The following SHROOM3 variants were observed in gnomAD, a reference collection of about 807,000 sequenced individuals.
SHROOM3 encodes shroom family member 3.
In SHROOM3, 47 loss-of-function variants were observed where a neutral mutation model predicts 138.6. The ratio of observed to expected loss-of-function variants is 0.34; its 90% CI spans 0.27 to 0.43. The LOEUF is 0.43. Among genes scored for constraint, SHROOM3 ranks in the 20% least tolerant of loss-of-function variants. The pLI is 1.00. For synonymous variants in SHROOM3, 1,062 were observed against 1,063.3 expected, an observed-to-expected ratio of 1.00 and a Z score of 0.02; for missense variants, 2,491 against 2,596.5, an observed-to-expected ratio of 0.96 and a Z score of 0.88.
chr4:76,736,342 T>TATC (rs1330715346), intron 4 of SHROOM3, among the ~76,000 whole-genome samples: 1 of 152,196 alleles, frequency 6.6e-6, no homozygotes, highest in Non-Finnish European at 1.5e-5. Flanking sequence ...AATTTATACC[T>TATC]ATCTGTCCCG....
intron 1 of SHROOM3, among the ~76,000 whole-genome samples, chr4:76,495,944 A>G (rs1215015669): frequency 2.0e-5 from 3 of 152,216 alleles, no homozygotes; most frequent in African/African-American, 7.2e-5. Context: ...CAGGCACGAC[A>G]AGAAAGGACT....
At chr4:76,656,777 C>T (rs950340761) in intron 2 of SHROOM3, among the ~76,000 whole-genome samples, 1 of 152,234 alleles carries the variant, frequency 6.6e-6, no homozygotes, top group African/African-American at 2.4e-5. Flanking sequence ...GGAAACATTA[C>T]TTACTCTTGC....
In SHROOM3 at chr4:76,555,730, G is replaced by A. The variant is rs1733470771; in HGVS notation, c.290G>A (p.Gly97Glu). ...SRKEAVSLVK[G>E]SYKTLRLVVR... ...AAGGAGGCAGTTTCCCTGGTGAAAG[G>A]ATCCTACAAGACCCTCAGGCTGGTA... Residue 97 changes from glycine to glutamate, a missense_variant, in exon 2 of 11, where the codon GGA (glycine) becomes GAA (glutamate). This residue lies in a region of SHROOM3 where 284 missense variants were observed against 322.8 expected (regional missense o/e 0.88). Transcript: ENST00000296043. 6.2e-7 allele frequency: 1 copy of A among 1,613,746 alleles called. No homozygotes were observed. Among genetic ancestry groups the A allele is most frequent in the Non-Finnish European group, 8.5e-7 (1 of 1,179,996 alleles).
rs369339614 is a variant in SHROOM3 at position 76,741,728 on chromosome 4, C to T, written c.3555C>T (p.Arg1185=). The change falls in exon 5 of 11, where the codon CGC becomes CGT. Residue 1185 remains arginine (R), a synonymous_variant. Coordinates refer to ENST00000296043, the MANE Select transcript of SHROOM3 (RefSeq NM_020859.4). This position sits in a 1 kb window ranked among gnomAD's most constrained non-coding sequence, Gnocchi z 6.2. The part of the protein sequence containing the change: ...AGGRRLGERR[R]GDLLSGANGG... ...GCCGCCGCCTCGGGGAACGGCGACGCGGGGACCTGCTTAGCGGAGCAAACG... is the reference window on the plus strand; with the variant it reads ...GCCGCCGCCTCGGGGAACGGCGACGTGGGGACCTGCTTAGCGGAGCAAACG... 387 of 1,557,428 alleles carry T rather than the reference C, an allele frequency of 2.5e-4. 1 individual carries two copies. In the South Asian group the frequency reaches 4.0e-3, roughly 16 times the overall value.
intron 3 of SHROOM3, among the ~76,000 whole-genome samples, chr4:76,722,056 C>T (rs188309937): frequency 6.6e-6 from 1 of 152,124 alleles, no homozygotes; most frequent in East Asian, 1.9e-4. Flanking sequence ...ATTGTTTGAG[C>T]CCAGGAGTTC....
chr4:76,454,337 C>T (rs1560511055), intron 1 of SHROOM3, among the ~76,000 whole-genome samples: 1 of 152,172 alleles, frequency 6.6e-6, no homozygotes, highest in East Asian at 1.9e-4. Context: ...AGCCACTGCA[C>T]CCAGCCTAAT....
rs1285702307 is a variant in SHROOM3, at chr4:76,754,758, G to C, written c.4275G>C (p.Trp1425Cys). 8 of 1,614,166 alleles carry C rather than the reference G, an allele frequency of 5.0e-6. No homozygotes were observed. The highest frequency in any genetic ancestry group is 6.8e-6 in the Non-Finnish European group (8 of 1,180,006). Residue 1425 changes from tryptophan to cysteine, a missense_variant, in exon 7 of 11, where the codon TGG (tryptophan) becomes TGC (cysteine). Transcript: ENST00000296043. ...GTRKRVSLPQ[W>C]PPPSRAKWAH... ...GGAAGAGGGTCTCGCTGCCTCAGTGGCCACCTCCTTCTCGAGCAAAGTGGG... is the reference window on the plus strand; with the variant it reads ...GGAAGAGGGTCTCGCTGCCTCAGTGCCCACCTCCTTCTCGAGCAAAGTGGG...
intron 1 of SHROOM3, among the ~76,000 whole-genome samples, chr4:76,494,436 T>G (rs528482153): frequency 8.5e-5 from 13 of 152,330 alleles, no homozygotes; most frequent in African/African-American, 2.4e-4. Flanking sequence ...ACAAGATCAC[T>G]TAACACCTCT....
At chr4:76,708,384 C>CAAA (rs3045221) in intron 2 of SHROOM3, among the ~76,000 whole-genome samples, 1 of 128,884 alleles carries the variant, frequency 7.8e-6, no homozygotes, top group African/African-American at 2.7e-5. Flanking sequence ...AGACATTGTG[C>CAAA]AAAAAAAAAA....
intron 1 of SHROOM3, among the ~76,000 whole-genome samples, chr4:76,539,254 C>T (rs1266933335): frequency 6.6e-6 from 1 of 152,094 alleles, no homozygotes; most frequent in Non-Finnish European, 1.5e-5. Flanking sequence ...CCCTTGTTTT[C>T]CTTCCTTCAC....
chr4:76,709,724 C>T lies in SHROOM3; in HGVS notation c.324-432C>T. ...CCTGTTACACTTGGAGATCCCGCTC[C>T]TTAAAGAGAACTTGAGAAGTGAGGT... is the stretch of plus-strand genomic sequence containing the variant. On this transcript the variant is annotated intron_variant, in intron 2 of 10. Coordinates refer to ENST00000296043, the MANE Select transcript of SHROOM3 (RefSeq NM_020859.4). 3 of 268,156 alleles carry T rather than the reference C, an allele frequency of 1.1e-5. No individual in the cohort carries two copies. The South Asian group carries it at 1.2e-4, about 11-fold the overall frequency. 16.6% of individuals were successfully genotyped at this position (268,156 alleles called of 1,614,324 possible).
intron 2 of SHROOM3, among the ~76,000 whole-genome samples, chr4:76,632,033 A>G (rs2110073699): frequency 6.6e-6 from 1 of 152,242 alleles, no homozygotes; most frequent in South Asian, 2.1e-4. Flanking sequence ...AATAATTGGG[A>G]TGGTAATGGG....
chr4:76,608,808 G>A (rs1414353314), intron 2 of SHROOM3, among the ~76,000 whole-genome samples: 1 of 152,152 alleles, frequency 6.6e-6, no homozygotes, highest in Non-Finnish European at 1.5e-5. Flanking sequence ...GAATAACCTT[G>A]AGCAAGTTAC....
intron 2 of SHROOM3, among the ~76,000 whole-genome samples, chr4:76,690,319 T>A (rs1273041813): frequency 6.6e-6 from 1 of 152,172 alleles, no homozygotes; most frequent in African/African-American, 2.4e-5. Context: ...GAGCACTCTC[T>A]GGGGGTGGGA....
rs1393537286 is a variant in SHROOM3 at position 76,773,373 on chromosome 4, G to GGAA, written c.5622+2475_5622+2476insGAA. 6.2e-5 allele frequency among the ~76,000 whole-genome samples: 5 copies of GGAA among 80,690 alleles called. 1 individual carries two copies. The highest frequency in any genetic ancestry group is 2.3e-4 in the African/African-American group (5 of 21,826). The allele number at this position is 80,690 out of a possible 152,430, so 52.9% of individuals were successfully genotyped here. On this transcript the variant is annotated intron_variant, in intron 10 of 10. Transcript: ENST00000296043. ...CGGGTGACAGAGCAAGACTGTCTCAGAAAAAAAAAAAAAAAAAAGAGCTAT... is the reference window on the plus strand; with the variant it reads ...CGGGTGACAGAGCAAGACTGTCTCAGGAAAAAAAAAAAAAAAAAAAAGAGCTAT...
At chr4:76,615,545 A>C (rs531699171) in intron 2 of SHROOM3, among the ~76,000 whole-genome samples, 10 of 152,246 alleles carry the variant, frequency 6.6e-5, no homozygotes, top group Admixed American at 3.3e-4. Context: ...GCTCTTAATG[A>C]CTGTTTTTTA....
chr4:76,674,592 C>T (rs1407200188), intron 2 of SHROOM3, among the ~76,000 whole-genome samples: 7 of 104,888 alleles, frequency 6.7e-5, no homozygotes, highest in Non-Finnish European at 8.7e-5. Flanking sequence ...GACACAGGGT[C>T]TTGCTCCATT....
At chr4:76,746,414 A>G (rs1487682423) in intron 5 of SHROOM3, among the ~76,000 whole-genome samples, 2 of 152,224 alleles carry the variant, frequency 1.3e-5, no homozygotes, top group Non-Finnish European at 2.9e-5. Flanking sequence ...GCAACTGCCT[A>G]CAGTATTCAG....
intron 2 of SHROOM3, among the ~76,000 whole-genome samples, chr4:76,648,265 C>G (rs548932587): frequency 6.6e-6 from 1 of 152,208 alleles, no homozygotes; most frequent in Non-Finnish European, 1.5e-5. Context: ...GAAGCTGAGG[C>G]TGCAATGAAC....
Sources: gnomAD v4.1 joint callset for allele counts (sites outside exome capture counted in the v4.1 genomes callset) on GRCh38, gnomAD v4.1.1 for gene constraint, gnomAD v4.1.1 regional missense constraint, Gnocchi (gnomAD v3.1) non-coding constraint, MANE v1.5 for transcripts, NCBI Gene and HGNC (gene_info 2026-07-23, HGNC 2026-07-21) for gene names.